SPECC1: variants seen among roughly 807,000 people sequenced by gnomAD.
SPECC1 encodes the protein cytospin-B.
Under a neutral mutation model 104.1 loss-of-function variants are expected in SPECC1, and 62 were observed. The ratio of observed to expected loss-of-function variants is 0.60; its 90% CI spans 0.49 to 0.74. The LOEUF (loss-of-function observed/expected upper bound fraction) is 0.74. SPECC1 is among the 30% of genes least tolerant of loss of function. SPECC1 has a pLI of 0.00. For synonymous variants in SPECC1, 513 were observed against 501.6 expected, an observed-to-expected ratio of 1.02 and a Z score of -0.30; for missense variants, 1,306 against 1,310.5, an observed-to-expected ratio of 1.00 and a Z score of 0.05.
chr17:20,163,456 CAAA>C (rs548009339), intron 3 of SPECC1, among the ~76,000 whole-genome samples: 15 of 151,690 alleles, frequency 9.9e-5, no homozygotes, highest in Admixed American at 5.9e-4. Flanking sequence ...TAAAGTCTGA[CAAA>C]AAAATCCAGT....
At chr17:20,075,812 C>T (rs908475628) in intron 1 of SPECC1, among the ~76,000 whole-genome samples, 7 of 151,894 alleles carry the variant, frequency 4.6e-5, no homozygotes, top group Admixed American at 1.3e-4. Flanking sequence ...CTAAGTGTGG[C>T]GATGTGCACC....
chr17:20,156,174 G>T (rs745525829), intron 3 of SPECC1: 72 of 1,442,824 alleles, frequency 5.0e-5, no homozygotes, highest in Non-Finnish European at 6.5e-5. Context: ...CGGCAAGCCG[G>T]CTGGTGCCCG....
chr17:20,299,852 G>A (rs530556971), intron 13 of SPECC1, among the ~76,000 whole-genome samples: 2 of 152,264 alleles, frequency 1.3e-5, no homozygotes, highest in Admixed American at 6.5e-5. Flanking sequence ...CAGCAAATCC[G>A]GAGCTGGATG....
At chr17:20,136,180 C>T (rs1416562428) in intron 3 of SPECC1, among the ~76,000 whole-genome samples, 1 of 152,164 alleles carries the variant, frequency 6.6e-6, no homozygotes, top group African/African-American at 2.4e-5. Context: ...AATCCCAGCA[C>T]TTTGGGAGGC....
rs2042050026 is a variant in SPECC1 at position 20,317,040 on chromosome 17, G to C, written c.*2975G>C. On this transcript the variant is annotated 3_prime_UTR_variant, in exon 15 of 15. Transcript: ENST00000395527. ...ACAATTTATTTTTACAACTCCAGGA[G>C]TTTCCCCGACTACCATTTTTTTTTT... is the stretch of plus-strand genomic sequence containing the variant. 5.6e-6 allele frequency: 1 copy of C among 179,864 alleles called. No homozygotes were observed. Among genetic ancestry groups the C allele is most frequent in the Non-Finnish European group, 1.1e-5 (1 of 93,926 alleles). The allele number at this position is 179,864 out of a possible 1,614,324, so 11.1% of individuals were successfully genotyped here.
At chr17:20,172,796 A>T (rs1185345525) in intron 3 of SPECC1, among the ~76,000 whole-genome samples, 1 of 152,224 alleles carries the variant, frequency 6.6e-6, no homozygotes, top group Admixed American at 6.5e-5. Flanking sequence ...AGTGTTTTGA[A>T]AATGAGACGG....
intron 3 of SPECC1, among the ~76,000 whole-genome samples, chr17:20,153,183 C>T (rs929728755): frequency 1.3e-5 from 2 of 152,072 alleles, no homozygotes; most frequent in Non-Finnish European, 2.9e-5. Context: ...TTGAAACCGA[C>T]GGAATATAGC....
intron 9 of SPECC1, among the ~76,000 whole-genome samples, chr17:20,250,665 A>G (rs1160442105): frequency 2.0e-5 from 3 of 152,262 alleles, no homozygotes; most frequent in Admixed American, 6.5e-5. Context: ...CATTTAAGGA[A>G]GAAATAATGT....
intron 1 of SPECC1, among the ~76,000 whole-genome samples, chr17:20,068,263 T>G (rs2046429703): frequency 6.6e-6 from 1 of 152,222 alleles, no homozygotes; most frequent in African/African-American, 2.4e-5. Context: ...GCCCAGCCTG[T>G]GTGGCTCCTT....
chr17:20,098,238 C>A (rs563218491), intron 2 of SPECC1, among the ~76,000 whole-genome samples: 1 of 152,296 alleles, frequency 6.6e-6, no homozygotes, highest in Admixed American at 6.5e-5. Flanking sequence ...ATAGCAACTC[C>A]ATCTTCTTGG....
intron 3 of SPECC1, among the ~76,000 whole-genome samples, chr17:20,158,839 G>A (rs1426575473): frequency 1.3e-5 from 2 of 152,090 alleles, no homozygotes; most frequent in Non-Finnish European, 2.9e-5. Flanking sequence ...GCTCACTGCA[G>A]CCTTGACCTT....
chr17:20,313,252 G>A (rs8079701), intron 14 of SPECC1, among the ~76,000 whole-genome samples: 107,812 of 152,142 alleles, frequency 0.71, 39,999 homozygotes, highest in East Asian at 0.99. Context: ...TCACCAAACT[G>A]TATTAAATAA....
chr17:20,254,134 C>CGTGTGTGTGTGTGTGTGTGT (rs71357419), intron 10 of SPECC1, among the ~76,000 whole-genome samples: 164 of 135,970 alleles, frequency 1.2e-3, no homozygotes, highest in African/African-American at 4.2e-3. Flanking sequence ...GTTGTTACAC[C>CGTGTGTGTGTGTGTGTGTGT]GTGTGTGTGT....
chr17:20,055,637 C>CT (rs2045933640), intron 1 of SPECC1, among the ~76,000 whole-genome samples: 1 of 152,144 alleles, frequency 6.6e-6, no homozygotes, highest in South Asian at 2.1e-4. Context: ...AAAAATGTAA[C>CT]TTTACCTCTC....
At chr17:20,128,019 A>T (rs1225611421) in intron 3 of SPECC1, among the ~76,000 whole-genome samples, 1 of 152,226 alleles carries the variant, frequency 6.6e-6, no homozygotes, top group African/African-American at 2.4e-5. Flanking sequence ...CATTACTGAA[A>T]AAAATCAATA....
chr17:20,032,936 G>GCACACA (rs149393057), intron 1 of SPECC1, among the ~76,000 whole-genome samples: 594 of 147,736 alleles, frequency 4.0e-3, no homozygotes, highest in Middle Eastern at 7.1e-3. Flanking sequence ...ACACACGCGC[G>GCACACA]CACACACACA....
chr17:20,255,199 G>T (rs905015334), intron 10 of SPECC1, among the ~76,000 whole-genome samples: 5 of 152,162 alleles, frequency 3.3e-5, no homozygotes, highest in African/African-American at 1.2e-4. Flanking sequence ...AAGACCAAAG[G>T]CCAGTGTAAA....
chr17:20,170,443 C>T (rs891930046), intron 3 of SPECC1, among the ~76,000 whole-genome samples: 1 of 152,148 alleles, frequency 6.6e-6, no homozygotes, highest in African/African-American at 2.4e-5. Flanking sequence ...CCACAAACTT[C>T]CAGAAAGCTT....
In SPECC1 at chr17:20,256,054, T is replaced by G. The variant is rs141471676; in HGVS notation, c.2681-1397T>G. 3.0e-3 allele frequency among the ~76,000 whole-genome samples: 449 copies of G among 152,062 alleles called. 19 individuals carry two copies. The East Asian group carries it at 0.084, about 28-fold the overall frequency. Reference sequence around the variant, plus strand: ...CACCATGCCCGGCTAATTTTTTGTATTTTTAGTAGAGATGGGGTTTCACCG... The same window carrying G: ...CACCATGCCCGGCTAATTTTTTGTAGTTTTAGTAGAGATGGGGTTTCACCG... On this transcript the variant is annotated intron_variant, in intron 10 of 14. Coordinates refer to ENST00000395527, the MANE Select transcript of SPECC1 (RefSeq NM_001243439.2).
Sources: gnomAD v4.1 joint callset for allele counts (sites outside exome capture counted in the v4.1 genomes callset) on GRCh38, gnomAD v4.1.1 for gene constraint, MANE v1.5 for transcripts, NCBI Gene and HGNC (gene_info 2026-07-23, HGNC 2026-07-21) for gene names.